ARHGAP15: variants seen among roughly 807,000 people sequenced by gnomAD.
ARHGAP15 encodes the protein rho GTPase-activating protein 15.
A neutral mutation model predicts 63.7 loss-of-function variants in ARHGAP15; 51 were observed. The observed-to-expected ratio is 0.80, with a 90% confidence interval of 0.64 to 1.01. ARHGAP15 has a LOEUF of 1.01. Ranked by LOEUF, ARHGAP15 falls within the 50% of genes least tolerant of loss-of-function variation. The probability of loss-of-function intolerance (pLI) is 0.00; values close to 1 mark genes in which losing one functional copy is unlikely to be tolerated. For missense variants in ARHGAP15, 560 were observed against 564.6 expected, an observed-to-expected ratio of 0.99 and a Z score of 0.08; for synonymous variants, 191 against 193.8, an observed-to-expected ratio of 0.99 and a Z score of 0.12.
intron 2 of ARHGAP15, among the ~76,000 whole-genome samples, chr2:143,165,322 A>G (rs998256359): frequency 6.6e-5 from 10 of 152,042 alleles, no homozygotes; most frequent in African/African-American, 2.4e-4. Flanking sequence ...GATGACACCA[A>G]CTTTCCTCCA....
At chr2:143,351,334 G>A (rs1685562196) in intron 6 of ARHGAP15, 1 of 152,122 alleles carries the variant, frequency 6.6e-6, no homozygotes, top group African/African-American at 2.4e-5. Context: ...CTTCTACTGG[G>A]TGCTTTAATA....
intron 6 of ARHGAP15, among the ~76,000 whole-genome samples, chr2:143,257,666 C>T (rs1311769644): frequency 6.6e-6 from 1 of 152,058 alleles, no homozygotes; most frequent in Non-Finnish European, 1.5e-5. Flanking sequence ...GTGTGGTAGT[C>T]TCTATGCCAT....
intron 12 of ARHGAP15, among the ~76,000 whole-genome samples, chr2:143,697,118 G>A (rs1683884778): frequency 6.6e-6 from 1 of 152,150 alleles, no homozygotes; most frequent in African/African-American, 2.4e-5. Flanking sequence ...TTCTATTTAT[G>A]ATATACTGTA....
At chr2:143,490,917 C>T (rs749045842) in intron 9 of ARHGAP15, among the ~76,000 whole-genome samples, 9 of 152,108 alleles carry the variant, frequency 5.9e-5, no homozygotes, top group East Asian at 1.9e-4. Flanking sequence ...CATGAGCAAC[C>T]GCACCTGGCC....
At chr2:143,195,187 T>G (rs1691842503) in intron 2 of ARHGAP15, among the ~76,000 whole-genome samples, 1 of 151,270 alleles carries the variant, frequency 6.6e-6, no homozygotes, top group Non-Finnish European at 1.5e-5. Context: ...TAATAAACAA[T>G]CAAAAGAGGC....
intron 9 of ARHGAP15, among the ~76,000 whole-genome samples, chr2:143,489,299 C>A (rs542266147): frequency 4.6e-5 from 7 of 152,198 alleles, no homozygotes; most frequent in Non-Finnish European, 8.8e-5. Flanking sequence ...GCTAAACACA[C>A]TCTGATTCAT....
intron 13 of ARHGAP15, among the ~76,000 whole-genome samples, chr2:143,749,006 G>GA (rs1195397907): frequency 1.3e-5 from 2 of 151,778 alleles, no homozygotes; most frequent in South Asian, 2.1e-4. Flanking sequence ...TTGAGAGGGG[G>GA]AAAAAAATAC....
intron 11 of ARHGAP15, among the ~76,000 whole-genome samples, chr2:143,558,497 G>A (rs963340117): frequency 6.6e-6 from 1 of 152,000 alleles, no homozygotes; most frequent in African/African-American, 2.4e-5. Context: ...CCAACTTTTG[G>A]AAAGGATATA....
Position 143,250,575 on chromosome 2 carries a change from A to T in ARHGAP15, c.449A>T (p.Lys150Ile). The change falls in exon 6 of 14, where the codon AAA becomes ATA. Residue 150 changes from lysine (K) to isoleucine (I), a missense_variant. Transcript: ENST00000295095. Reference protein sequence around the residue: ...CGAHIEWAKEKSSRKNVFQIT... With the variant: ...CGAHIEWAKEISSRKNVFQIT... ...GCACACATTGAATGGGCCAAGGAAA[A>T]ATCGAGCAGAAAGAATGTCTTTCAG... is the stretch of plus-strand genomic sequence containing the variant. The T allele has an allele frequency of 6.2e-7, 1 of 1,613,318 alleles. No individual in the cohort carries two copies. The highest frequency in any genetic ancestry group is 8.5e-7 in the Non-Finnish European group (1 of 1,179,406).
intron 11 of ARHGAP15, among the ~76,000 whole-genome samples, chr2:143,616,284 G>T (rs1356486272): frequency 6.6e-6 from 1 of 152,118 alleles, no homozygotes; most frequent in Admixed American, 6.6e-5. Context: ...CACCTGCTTC[G>T]CAAGTTTCAG....
intron 6 of ARHGAP15, among the ~76,000 whole-genome samples, chr2:143,424,077 G>A (rs909027505): frequency 1.6e-4 from 24 of 152,184 alleles, no homozygotes; most frequent in African/African-American, 5.3e-4. Context: ...CTATGGTCTA[G>A]AGCAGCAGAC....
At chr2:143,473,245 T>A (rs60949579) in intron 8 of ARHGAP15, among the ~76,000 whole-genome samples, 1 of 152,088 alleles carries the variant, frequency 6.6e-6, no homozygotes, top group Non-Finnish European at 1.5e-5. Flanking sequence ...AAGGCCCACC[T>A]AAGCTCCATG....
At chr2:143,267,224 T>A (rs1449554331) in intron 6 of ARHGAP15, among the ~76,000 whole-genome samples, 1 of 152,162 alleles carries the variant, frequency 6.6e-6, no homozygotes, top group African/African-American at 2.4e-5. Flanking sequence ...TAAATAAAGG[T>A]TTGCCATAGT....
chr2:143,533,447 A>T (rs1559032892), intron 10 of ARHGAP15: 1 of 152,096 alleles, frequency 6.6e-6, no homozygotes, highest in Admixed American at 6.6e-5. Context: ...CTGACCTCTG[A>T]TACTCTCCTT....
intron 2 of ARHGAP15, among the ~76,000 whole-genome samples, chr2:143,183,898 A>G (rs942539665): frequency 6.6e-6 from 1 of 152,142 alleles, no homozygotes; most frequent in East Asian, 1.9e-4. Context: ...ACAGGAATGT[A>G]AGATTAGGCA....
chr2:143,624,717 T>C (rs1016187814), intron 12 of ARHGAP15, among the ~76,000 whole-genome samples: 6 of 152,208 alleles, frequency 3.9e-5, no homozygotes, highest in Admixed American at 1.3e-4. Flanking sequence ...CATGTTCTCT[T>C]GGTTCACTCA....
intron 10 of ARHGAP15, among the ~76,000 whole-genome samples, chr2:143,530,502 G>T (rs1008863373): frequency 6.6e-6 from 1 of 152,126 alleles, no homozygotes; most frequent in Non-Finnish European, 1.5e-5. Flanking sequence ...AGACCGACCA[G>T]TGTCATAAGA....
intron 1 of ARHGAP15, among the ~76,000 whole-genome samples, chr2:143,130,054 G>A (rs1396345547): frequency 2.0e-5 from 3 of 152,004 alleles, no homozygotes; most frequent in African/African-American, 7.2e-5. Context: ...TAAGATATAG[G>A]GTGAAATGAG....
chr2:143,756,954 A>C (rs1686600957), intron 13 of ARHGAP15, among the ~76,000 whole-genome samples: 1 of 151,908 alleles, frequency 6.6e-6, no homozygotes, highest in African/African-American at 2.4e-5. Flanking sequence ...CAAATTCAAA[A>C]TTCTTGGATC....
Sources: gnomAD v4.1 joint callset for allele counts (sites outside exome capture counted in the v4.1 genomes callset) on GRCh38, gnomAD v4.1.1 for gene constraint, MANE v1.5 for transcripts, NCBI Gene and HGNC (gene_info 2026-07-23, HGNC 2026-07-21) for gene names.